The following KCNQ4 variants were observed in gnomAD, a reference collection of about 807,000 sequenced individuals.
KCNQ4 encodes the protein potassium voltage-gated channel subfamily Q member 4, also known as potassium voltage-gated channel subfamily KQT member 4.
A neutral mutation model predicts 72.6 loss-of-function variants in KCNQ4; 31 were observed. The ratio of observed to expected loss-of-function variants is 0.43; its 90% confidence interval spans 0.32 to 0.58. The LOEUF is 0.58. KCNQ4 is among the 20% of genes least tolerant of loss of function. The pLI, the probability that KCNQ4 is intolerant of heterozygous loss-of-function variation, is 0.08. For missense variants in KCNQ4, 869 were observed against 962.6 expected, an observed-to-expected ratio of 0.90 and a Z score of 1.29; for synonymous variants, 405 against 403.7, an observed-to-expected ratio of 1.00 and a Z score of -0.04.
chr1:40,802,305 G>A (rs1336245504), intron 1 of KCNQ4, among the ~76,000 whole-genome samples: 1 of 152,088 alleles, frequency 6.6e-6, no homozygotes, highest in Non-Finnish European at 1.5e-5. Context: ...CCTCGGGGAC[G>A]CGGCGGCACC....
chr1:40,816,681 C>A (rs1432112333), intron 1 of KCNQ4, among the ~76,000 whole-genome samples: 2 of 152,226 alleles, frequency 1.3e-5, no homozygotes, highest in African/African-American at 4.8e-5. Context: ...TCCCTACATC[C>A]TCTCCCTGCT....
intron 1 of KCNQ4, among the ~76,000 whole-genome samples, chr1:40,801,195 G>C (rs745544814): frequency 1.3e-5 from 2 of 151,798 alleles, no homozygotes; most frequent in Non-Finnish European, 2.9e-5. Context: ...GAATGGGGGT[G>C]AGTCCTGGGC....
chr1:40,817,115 C>T lies in KCNQ4; in HGVS notation c.315-150C>T. 1.4e-6 allele frequency: 1 copy of T among 699,544 alleles called. No homozygotes were observed. The highest frequency in any genetic ancestry group is 2.5e-6 in the Non-Finnish European group (1 of 392,726). 43.3% of individuals were successfully genotyped at this position (699,544 alleles called of 1,614,324 possible). The stretch of plus-strand genomic sequence containing the variant: ...GCTGCCTTTGGTGCCCAGCACAGAG[C>T]TGTAACTCCAGGGAATTCCAATTCT... On this transcript the variant is annotated intron_variant, in intron 1 of 13. Coordinates refer to ENST00000347132, the MANE Select transcript of KCNQ4 (RefSeq NM_004700.4). The surrounding 1 kb of genome is among the most constrained non-coding windows in gnomAD (Gnocchi z 5.5).
At position 40,799,437 on chromosome 1, in the gene KCNQ4, C is replaced by G. The variant is rs1984092; in HGVS notation, c.314+15030C>G. On this transcript the variant is annotated intron_variant, in intron 1 of 13. Coordinates refer to ENST00000347132, the MANE Select transcript of KCNQ4 (RefSeq NM_004700.4). ...GAGGCAAATGTGTGGGCCATGCCCC[C>G]CCCCTCGCTAGGCAGTAAACACTGC... Among the ~76,000 whole-genome samples, 746 of 151,968 alleles carry G rather than the reference C, an allele frequency of 4.9e-3. 7 individuals carry two copies. Among genetic ancestry groups the G allele is most frequent in the Non-Finnish European group, 4.8e-3 (325 of 67,878 alleles).
At chr1:40,820,635 C>CTTCA (rs1463433870) in intron 7 of KCNQ4, among the ~76,000 whole-genome samples, 4 of 152,228 alleles carry the variant, frequency 2.6e-5, no homozygotes, top group Non-Finnish European at 4.4e-5. Flanking sequence ...CTTCCAGCAC[C>CTTCA]TTCATTCATT....
chr1:40,812,675 T>G (rs1301171880), intron 1 of KCNQ4, among the ~76,000 whole-genome samples: 1 of 152,166 alleles, frequency 6.6e-6, no homozygotes, highest in Non-Finnish European at 1.5e-5. Context: ...TTTGGGGGCT[T>G]TTTAAGCAGC....
chr1:40,818,614 G>C lies in KCNQ4; in HGVS notation c.642G>C (p.Met214Ile). The C allele has an allele frequency of 6.2e-7, 1 of 1,606,986 alleles. No individual in the cohort carries two copies. Among genetic ancestry groups the C allele is most frequent in the Non-Finnish European group, 8.5e-7 (1 of 1,179,684 alleles). The change falls in exon 4 of 14, where the codon ATG (methionine) becomes ATC (isoleucine). Residue 214 changes from methionine (M) to isoleucine (I), a missense_variant. This residue lies in a region of KCNQ4 where 179 missense variants were observed against 243.0 expected (regional missense o/e 0.74). Coordinates refer to ENST00000347132, the MANE Select transcript of KCNQ4 (RefSeq NM_004700.4). ...RSMRFLQILR[M>I]VRMDRRGGTW... ...TGCGCTTCCTGCAGATCCTGCGCAT[G>C]GTGCGCATGGACCGCCGCGGCGGCA...
chr1:40,784,218 C>G lies in KCNQ4; in HGVS notation c.125C>G (p.Pro42Arg). ...EQGEAGGGGS[P>R]RRLGLLGSPL... The stretch of plus-strand genomic sequence containing the variant: ...GGCGAGGCGGGCGGGGGCGGCTCCC[C>G]GCGCCGCCTCGGCCTCCTGGGCAGC... Residue 42 changes from proline to arginine, a missense_variant, in exon 1 of 14, where the codon CCG (proline) becomes CGG (arginine). Physicochemically the swap from Pro to Arg is moderately radical, Grantham distance 103. Coordinates refer to ENST00000347132, the MANE Select transcript of KCNQ4 (RefSeq NM_004700.4). The surrounding 1 kb of genome is among the most constrained non-coding windows in gnomAD (Gnocchi z 4.1). The G allele has an allele frequency of 1.7e-6, 2 of 1,169,766 alleles. No homozygotes were observed. Among genetic ancestry groups the G allele is most frequent in the Non-Finnish European group, 2.1e-6 (2 of 952,828 alleles). 72.5% of individuals were successfully genotyped at this position (1,169,766 alleles called of 1,614,324 possible).
At chr1:40,809,429 A>G (rs1647860006) in intron 1 of KCNQ4, among the ~76,000 whole-genome samples, 1 of 151,936 alleles carries the variant, frequency 6.6e-6, no homozygotes, top group African/African-American at 2.4e-5. Context: ...CAACATGCCC[A>G]CCACCCAACA....
Position 40,824,154 on chromosome 1 carries a change from C to T in KCNQ4, c.1188C>T (p.Pro396=), listed in dbSNP as rs189541861. ...VQRARNGGLR[P]LEVRRAPVPD... ...GGGCCCGCAATGGGGGCCTACGGCC[C>T]CTGGAGGTGCGGCGGGCGCCGGTAC... is the stretch of plus-strand genomic sequence containing the variant. The change falls in exon 9 of 14, where the codon CCC becomes CCT. Residue 396 remains proline (P), a synonymous_variant. Coordinates refer to ENST00000347132, the MANE Select transcript of KCNQ4 (RefSeq NM_004700.4). 4,953 of 1,568,878 alleles carry T rather than the reference C, an allele frequency of 3.2e-3. 12 individuals carry two copies. Among genetic ancestry groups the T allele is most frequent in the Non-Finnish European group, 3.9e-3 (4,521 of 1,157,738 alleles).
chr1:40,827,848 C>T (rs749034685), intron 9 of KCNQ4, among the ~76,000 whole-genome samples: 43 of 152,304 alleles, frequency 2.8e-4, no homozygotes, highest in Non-Finnish European at 5.6e-4. Flanking sequence ...CTGGACCTGG[C>T]TCCAATAAAT....
At chr1:40,789,177 C>T (rs1208192960) in intron 1 of KCNQ4, among the ~76,000 whole-genome samples, 2 of 152,114 alleles carry the variant, frequency 1.3e-5, no homozygotes, top group Admixed American at 6.5e-5. Context: ...CCTCGTAGAA[C>T]TTCGCTGGCG....
intron 10 of KCNQ4, among the ~76,000 whole-genome samples, chr1:40,831,628 T>G (rs1332491799): frequency 5.9e-5 from 9 of 152,214 alleles, no homozygotes; most frequent in Non-Finnish European, 1.3e-4. Context: ...CTGGGCCTCA[T>G]TCTCCTCATT....
intron 1 of KCNQ4, among the ~76,000 whole-genome samples, chr1:40,792,561 C>T (rs1422281270): frequency 6.6e-6 from 1 of 152,206 alleles, no homozygotes; most frequent in African/African-American, 2.4e-5. Flanking sequence ...CACCTTCCCT[C>T]CTTATGGAGT....
At chr1:40,809,786 C>T (rs1400501440) in intron 1 of KCNQ4, among the ~76,000 whole-genome samples, 1 of 152,122 alleles carries the variant, frequency 6.6e-6, no homozygotes, top group Admixed American at 6.5e-5. Flanking sequence ...CACAATTGGC[C>T]AGGTGCGGTG....
chr1:40,838,460 G>A lies in KCNQ4; in HGVS notation c.2025G>A (p.Glu675=), dbSNP rs1293548888. The A allele has an allele frequency of 1.9e-6, 3 of 1,614,148 alleles. No homozygotes were observed. The highest frequency in any genetic ancestry group is 1.7e-5 in the Admixed American group (1 of 60,032). Reference sequence around the variant, plus strand: ...ACTACCACAGCCCTGTGGACCACGAGGACATCTCCGTCTCCGCACAGACGC... The same window carrying A: ...ACTACCACAGCCCTGTGGACCACGAAGACATCTCCGTCTCCGCACAGACGC... ...TSDYHSPVDH[E]DISVSAQTLS... is the part of the protein sequence containing the mutation. The change falls in exon 14 of 14, where the codon GAG becomes GAA. Residue 675 remains glutamate, a synonymous_variant. Coordinates refer to ENST00000347132, the MANE Select transcript of KCNQ4 (RefSeq NM_004700.4).
chr1:40,830,407 C>T (rs1648602529), intron 9 of KCNQ4, among the ~76,000 whole-genome samples: 1 of 152,162 alleles, frequency 6.6e-6, no homozygotes, highest in African/African-American at 2.4e-5. Flanking sequence ...ACTGCCTGCA[C>T]AGCTGTACGA....
chr1:40,818,512 C>T lies in KCNQ4; in HGVS notation c.540C>T (p.Ile180=), dbSNP rs746682392. Residue 180 remains isoleucine, a synonymous_variant, in exon 4 of 14, where the codon ATC becomes ATT. Coordinates refer to ENST00000347132, the MANE Select transcript of KCNQ4 (RefSeq NM_004700.4). ...CCGCCCCCGCCCCTGCAGACTTCATCGTGTTCGTGGCCTCGGTGGCCGTCA... is the reference window on the plus strand; with the variant it reads ...CCGCCCCCGCCCCTGCAGACTTCATTGTGTTCGTGGCCTCGGTGGCCGTCA... The part of the protein sequence containing the change: ...ARKPFCVIDF[I]VFVASVAVIA... 1 of 1,601,510 alleles carries T rather than the reference C, an allele frequency of 6.2e-7. No homozygotes were observed. The highest frequency in any genetic ancestry group is 8.5e-7 in the Non-Finnish European group (1 of 1,179,840).
In KCNQ4 at chr1:40,818,152, C is replaced by G. The variant is rs201982211; in HGVS notation, c.406-12C>G. 1.2e-4 allele frequency: 194 copies of G among 1,613,972 alleles called. No homozygotes were observed. The African/African-American group carries it at 2.1e-3, about 18-fold the overall frequency. On this transcript the variant is annotated splice_polypyrimidine_tract_variant and intron_variant, in intron 2 of 13. Transcript: ENST00000347132. ...AGACTGAGGACCAGAACTCAGGCCC[C>G]TGGTCCCACAGGAATTCGTGATGAT...
Sources: gnomAD v4.1 joint callset for allele counts (sites outside exome capture counted in the v4.1 genomes callset) on GRCh38, gnomAD v4.1.1 for gene constraint, gnomAD v4.1.1 regional missense constraint, Gnocchi (gnomAD v3.1) non-coding constraint, MANE v1.5 for transcripts, NCBI Gene and HGNC (gene_info 2026-07-23, HGNC 2026-07-21) for gene names.